SULT1C2: variants seen among roughly 807,000 people sequenced by gnomAD.
SULT1C2 encodes the protein sulfotransferase 1C2.
In SULT1C2, 27 loss-of-function variants were observed where a neutral mutation model predicts 36.0. The ratio of observed to expected loss-of-function variants is 0.75; its 90% CI spans 0.55 to 1.03. SULT1C2 has a LOEUF of 1.03. Among genes scored for constraint, SULT1C2 ranks in the 50% least tolerant of loss-of-function variants. The pLI is 0.00. For synonymous variants in SULT1C2, 121 were observed against 116.0 expected, an observed-to-expected ratio of 1.04 and a Z score of -0.27; for missense variants, 395 against 359.2, an observed-to-expected ratio of 1.10 and a Z score of -0.80.
chr2:108,292,907 G>A (rs552950479), intron 1 of SULT1C2, among the ~76,000 whole-genome samples: 69 of 152,264 alleles, frequency 4.5e-4, no homozygotes, highest in African/African-American at 1.2e-3. Flanking sequence ...GGCTGGGCAC[G>A]GTGGCTCACG....
rs1677082383 is a variant in SULT1C2, at chr2:108,308,675, G to A, written c.*211G>A. 1 of 494,878 alleles carries A rather than the reference G, an allele frequency of 2.0e-6. No individual in the cohort carries two copies. Among genetic ancestry groups the A allele is most frequent in the Non-Finnish European group, 3.5e-6 (1 of 283,596 alleles). The allele number at this position is 494,878 out of a possible 1,614,324, so 30.7% of individuals were successfully genotyped here. On this transcript the variant is annotated 3_prime_UTR_variant, in exon 8 of 8. Transcript: ENST00000251481. ...CATTTTCCCAACTATTCTTTCCAAA[G>A]TAAGATATAAGGTAGCTTAATAAAC...
rs1377974128 is a variant in SULT1C2, at chr2:108,300,988, G to A, written c.375+53G>A. On this transcript the variant is annotated intron_variant, in intron 4 of 7. Coordinates refer to ENST00000251481, the MANE Select transcript of SULT1C2 (RefSeq NM_001056.4). ...GAAGGGAAAGTAAGCCAACCAAAGC[G>A]AGTCCTGCAGACCCCAACGCAGAGC... The A allele has an allele frequency of 3.1e-6, 5 of 1,606,700 alleles. No homozygotes were observed. In the African/African-American group the frequency reaches 4.0e-5, roughly 13 times the overall value.
In SULT1C2 at chr2:108,293,605, A is replaced by G. The variant is rs374317473; in HGVS notation, c.-21-42A>G. 25 of 1,529,434 alleles carry G rather than the reference A, an allele frequency of 1.6e-5. No individual in the cohort carries two copies. The East Asian group carries it at 2.3e-4, about 14-fold the overall frequency. 94.7% of individuals were successfully genotyped at this position (1,529,434 alleles called of 1,614,324 possible). On this transcript the variant is annotated intron_variant, in intron 1 of 7. Transcript: ENST00000251481. The stretch of plus-strand genomic sequence containing the variant: ...ATCAATTTTATGTTATGTATATTTT[A>G]CCACAACTTCTTTAAAAATCTCCTC...
chr2:108,293,574 A>G (rs756106196), intron 1 of SULT1C2, 73 bp from the exon 2 acceptor site: 49 of 1,424,126 alleles, frequency 3.4e-5, no homozygotes, highest in Non-Finnish European at 4.6e-5. Flanking sequence ...AACGATGGTT[A>G]AAATGATCAA....
intron 3 of SULT1C2, chr2:108,300,527 G>C: frequency 2.5e-6 from 1 of 405,126 alleles, no homozygotes; most frequent in Non-Finnish European, 4.3e-6. Context: ...AGGAAGGTGA[G>C]GGAGTCCTCT....
At chr2:108,305,099 G>A in intron 5 of SULT1C2, 73 bp from the exon 6 acceptor site, 1 of 1,564,578 alleles carries the variant, frequency 6.4e-7, no homozygotes, top group Admixed American at 1.7e-5. Context: ...ACTCACTTCA[G>A]GAAAATCCCT....
chr2:108,307,709 GT>G (rs1361957557), intron 7 of SULT1C2, among the ~76,000 whole-genome samples: 2 of 152,100 alleles, frequency 1.3e-5, no homozygotes, highest in East Asian at 1.9e-4. Context: ...TTCCAAAATA[GT>G]TTTTTATTGA....
At position 108,300,820 on chromosome 2, in the gene SULT1C2, T is replaced by C. The variant is rs1558679693; in HGVS notation, c.278-18T>C. Reference sequence around the variant, plus strand: ...GTGCTTGTACTACGCAGATGTTTCCTCTTGAGCTATTTTAAAGGTGTGGAA... The same window carrying C: ...GTGCTTGTACTACGCAGATGTTTCCCCTTGAGCTATTTTAAAGGTGTGGAA... On this transcript the variant is annotated intron_variant, in intron 3 of 7. Transcript: ENST00000251481. 1.9e-6 allele frequency: 3 copies of C among 1,614,176 alleles called. No homozygotes were observed. Among genetic ancestry groups the C allele is most frequent in the Admixed American group, 1.7e-5 (1 of 60,036 alleles).
Position 108,294,267 on chromosome 2 carries a change from C to CGG in SULT1C2, c.190_191insGG (p.Gln64ArgfsTer44). 1 of 1,614,062 alleles carries CGG rather than the reference C, an allele frequency of 6.2e-7. No homozygotes were observed. The highest frequency in any genetic ancestry group is 8.5e-7 in the Non-Finnish European group (1 of 1,179,968). The stretch of plus-strand genomic sequence containing the variant: ...TCAGGAAATTGTGGATATGATTGAA[C>CGG]AGAATGGGGACGTGGAGAAGTGCCA... On this transcript the variant is annotated frameshift_variant, in exon 3 of 8. Transcript: ENST00000251481. LOFTEE classifies it high-confidence loss of function.
intron 7 of SULT1C2, among the ~76,000 whole-genome samples, chr2:108,306,631 G>C (rs1396544645): frequency 6.6e-6 from 1 of 151,378 alleles, no homozygotes; most frequent in African/African-American, 2.4e-5. Flanking sequence ...AAATAGGCTG[G>C]GCATGATGGC....
intron 7 of SULT1C2, 152 bp downstream of exon 7, chr2:108,305,747 T>G: frequency 2.0e-6 from 2 of 996,246 alleles, no homozygotes; most frequent in East Asian, 2.6e-5. Context: ...TTGATCCTGT[T>G]GTAGAAGAGA....
Position 108,308,596 on chromosome 2 carries a change from A to G in SULT1C2, c.*132A>G, listed in dbSNP as rs375412073. On this transcript the variant is annotated 3_prime_UTR_variant, in exon 8 of 8. Coordinates refer to ENST00000251481, the MANE Select transcript of SULT1C2 (RefSeq NM_001056.4). ...CAATGTAGTACAAACAATCTCTGTGATGATTAACAGTATGTCACCACTTCA... is the reference window on the plus strand; with the variant it reads ...CAATGTAGTACAAACAATCTCTGTGGTGATTAACAGTATGTCACCACTTCA... The G allele has an allele frequency of 1.0e-4, 70 of 693,838 alleles. 1 individual carries two copies. In the African/African-American group the frequency reaches 1.1e-3, roughly 11 times the overall value. 43.0% of individuals were successfully genotyped at this position (693,838 alleles called of 1,614,324 possible).
intron 1 of SULT1C2, among the ~76,000 whole-genome samples, chr2:108,290,203 C>T (rs1030620971): frequency 6.6e-6 from 1 of 152,166 alleles, no homozygotes; most frequent in African/African-American, 2.4e-5. Flanking sequence ...CATCCCCTCA[C>T]CCCCACCCTA....
chr2:108,305,392 G>T, intron 6 of SULT1C2, 23 bp from the exon 7 acceptor site: 1 of 1,612,566 alleles, frequency 6.2e-7, no homozygotes. Context: ...ATTCATTCCA[G>T]TCCAATGTTA....
At chr2:108,301,724 A>G (rs1319851866) in intron 4 of SULT1C2, 2 of 152,240 alleles carry the variant, frequency 1.3e-5, no homozygotes, top group Non-Finnish European at 2.9e-5. Flanking sequence ...CCAGTGCCTA[A>G]TAAGTTCCTG....
intron 4 of SULT1C2, chr2:108,301,996 T>C (rs2104420924): frequency 6.6e-6 from 1 of 152,322 alleles, no homozygotes; most frequent in South Asian, 2.1e-4. Flanking sequence ...TTTCCAGAAT[T>C]ATGGCAAACT....
chr2:108,305,629 G>A (rs750126618), intron 7 of SULT1C2, 34 bp downstream of exon 7: 11 of 1,612,148 alleles, frequency 6.8e-6, no homozygotes, highest in Non-Finnish European at 8.5e-6. Flanking sequence ...CATTCAGATT[G>A]TCTCGTAACA....
intron 7 of SULT1C2, among the ~76,000 whole-genome samples, chr2:108,306,761 C>G (rs1677033750): frequency 1.3e-5 from 2 of 152,082 alleles, no homozygotes; most frequent in African/African-American, 4.8e-5. Flanking sequence ...AAAAAATTAG[C>G]TGGGCGTGGT....
At chr2:108,297,271 T>C (rs1483777791) in intron 3 of SULT1C2, among the ~76,000 whole-genome samples, 2 of 151,760 alleles carry the variant, frequency 1.3e-5, no homozygotes, top group Admixed American at 6.5e-5. Context: ...GAGGGGAACA[T>C]GGCCAATGAA....
Sources: allele counts gnomAD v4.1 joint callset (sites outside exome capture counted in the v4.1 genomes callset), GRCh38; gene constraint gnomAD v4.1.1; transcripts MANE v1.5; gene names NCBI Gene and HGNC (gene_info 2026-07-23, HGNC 2026-07-21).